The following SLC25A20 variants were observed in gnomAD, a reference collection of about 807,000 sequenced individuals.
SLC25A20 encodes the protein solute carrier family 25 member 20, also known as mitochondrial carnitine/acylcarnitine carrier protein.
In SLC25A20, 29 loss-of-function variants were observed where a neutral mutation model predicts 39.7. That is an observed-to-expected ratio of 0.73 (90% confidence interval 0.54 to 1.00). The LOEUF (loss-of-function observed/expected upper bound fraction) is 1.00, where lower values mean the gene tolerates loss of function less well. Among genes scored for constraint, SLC25A20 ranks in the 50% least tolerant of loss-of-function variants. The probability of loss-of-function intolerance (pLI) is 0.00; values close to 1 mark genes in which losing one functional copy is unlikely to be tolerated. For synonymous variants in SLC25A20, 103 were observed against 142.2 expected, an observed-to-expected ratio of 0.72 and a Z score of 1.96; for missense variants, 333 against 379.9, an observed-to-expected ratio of 0.88 and a Z score of 1.03.
chr3:48,896,546 T>C (rs1211327998), intron 1 of SLC25A20, among the ~76,000 whole-genome samples: 1 of 151,960 alleles, frequency 6.6e-6, no homozygotes, highest in Non-Finnish European at 1.5e-5. Flanking sequence ...AGTCTCACTC[T>C]GTCACCCAGG....
intron 5 of SLC25A20, 29 bp from the exon 6 acceptor site, chr3:48,859,656 A>C: frequency 6.5e-7 from 1 of 1,543,974 alleles, no homozygotes. Flanking sequence ...AGGTGAATTA[A>C]AGTACATAAA....
In SLC25A20 at chr3:48,857,715, A is replaced by G. The variant is rs755536849; in HGVS notation, c.901T>C (p.Leu301=). 1.2e-6 allele frequency: 2 copies of G among 1,613,904 alleles called. No individual in the cohort carries two copies. The highest frequency in any genetic ancestry group is 2.2e-5 in the East Asian group (1 of 44,862). The change falls in exon 9 of 9, where the codon TTG becomes CTG. Residue 301 remains leucine, a synonymous_variant. Coordinates refer to ENST00000319017, the MANE Select transcript of SLC25A20 (RefSeq NM_000387.6). ...MKFLNWATPN[L] ...AACTTGAGCAGCCTTCAGCCTCACAAGTTGGGGGTGGCCCAATTAAGGAAC... is the reference window on the plus strand; with the variant it reads ...AACTTGAGCAGCCTTCAGCCTCACAGGTTGGGGGTGGCCCAATTAAGGAAC...
intron 2 of SLC25A20, among the ~76,000 whole-genome samples, chr3:48,886,477 C>G (rs1575990497): frequency 6.6e-6 from 1 of 151,638 alleles, no homozygotes; most frequent in African/African-American, 2.4e-5. Flanking sequence ...GAGCCGAGAT[C>G]GCGCCATTGC....
At chr3:48,884,924 T>C (rs1426692726) in intron 2 of SLC25A20, among the ~76,000 whole-genome samples, 1 of 149,456 alleles carries the variant, frequency 6.7e-6, no homozygotes, top group Non-Finnish European at 1.5e-5. Flanking sequence ...CAAAACAGGA[T>C]ACACAACGTG....
At chr3:48,890,217 C>T (rs1265870396) in intron 2 of SLC25A20, among the ~76,000 whole-genome samples, 1 of 152,080 alleles carries the variant, frequency 6.6e-6, no homozygotes, top group East Asian at 1.9e-4. Flanking sequence ...TCTTTGATCT[C>T]GCTCTGTCAC....
chr3:48,874,935 G>A (rs2083743709), intron 4 of SLC25A20, among the ~76,000 whole-genome samples: 1 of 150,230 alleles, frequency 6.7e-6, no homozygotes, highest in South Asian at 2.1e-4. Flanking sequence ...AGGCTTGCGG[G>A]TGCATGCCTG....
At chr3:48,866,790 C>G (rs2083672926) in intron 4 of SLC25A20, among the ~76,000 whole-genome samples, 1 of 151,892 alleles carries the variant, frequency 6.6e-6, no homozygotes, top group Admixed American at 6.6e-5. Flanking sequence ...GCCACCACAC[C>G]TATTTTTTTT....
chr3:48,879,720 C>T (rs984297765), intron 3 of SLC25A20, among the ~76,000 whole-genome samples: 9 of 152,186 alleles, frequency 5.9e-5, no homozygotes, highest in Non-Finnish European at 1.0e-4. Context: ...AATCCCTCAC[C>T]TGTAAGAGAA....
rs544197476 is a variant in SLC25A20, at chr3:48,878,218, G to A, written c.417+1140C>T. The stretch of plus-strand genomic sequence containing the variant: ...AGAGGTTGCAGTGAGCCAAGATCAT[G>A]CCACTGTACTCCAGCCTGGCGACAG... On this transcript the variant is annotated intron_variant, in intron 4 of 8. Coordinates refer to ENST00000319017, the MANE Select transcript of SLC25A20 (RefSeq NM_000387.6). Among the ~76,000 whole-genome samples the A allele has an allele frequency of 4.4e-3, 622 of 141,954 alleles. 2 individuals carry two copies. The highest frequency in any genetic ancestry group is 7.1e-3 in the Non-Finnish European group (473 of 66,632). 93.1% of individuals were successfully genotyped at this position (141,954 alleles called of 152,430 possible).
At chr3:48,866,755 T>C (rs1185035911) in intron 4 of SLC25A20, among the ~76,000 whole-genome samples, 1 of 151,350 alleles carries the variant, frequency 6.6e-6, no homozygotes, top group Non-Finnish European at 1.5e-5. Context: ...CTCAGACTCC[T>C]GAATAGCTAG....
At chr3:48,873,127 G>T (rs2106646936) in intron 4 of SLC25A20, among the ~76,000 whole-genome samples, 1 of 151,888 alleles carries the variant, frequency 6.6e-6, no homozygotes, top group Admixed American at 6.6e-5. Context: ...GGGAGGCTGA[G>T]GCAGGAGAAT....
intron 4 of SLC25A20, among the ~76,000 whole-genome samples, chr3:48,869,970 T>C (rs1005735365): frequency 1.3e-5 from 2 of 151,896 alleles, no homozygotes; most frequent in African/African-American, 4.8e-5. Flanking sequence ...ACTAAAAAAT[T>C]AGCCAGGTGT....
At chr3:48,880,466 G>A (rs1436803913) in intron 3 of SLC25A20, among the ~76,000 whole-genome samples, 16 of 151,580 alleles carry the variant, frequency 1.1e-4, no homozygotes, top group African/African-American at 3.4e-4. Flanking sequence ...TAGTAGAGAC[G>A]GAGTTTCACT....
intron 2 of SLC25A20, among the ~76,000 whole-genome samples, chr3:48,888,752 G>A (rs977922274): frequency 6.6e-6 from 1 of 151,860 alleles, no homozygotes; most frequent in African/African-American, 2.4e-5. Flanking sequence ...ATTTAATCAA[G>A]GCTATAAATT....
chr3:48,864,442 C>T (rs1479629983), intron 4 of SLC25A20, among the ~76,000 whole-genome samples: 2 of 131,146 alleles, frequency 1.5e-5, no homozygotes, highest in Non-Finnish European at 3.2e-5. Context: ...CTGAGGATTA[C>T]AAAATAAGAG....
chr3:48,898,150 G>A (rs7431710), intron 1 of SLC25A20, among the ~76,000 whole-genome samples: 95,456 of 152,036 alleles, frequency 0.63, 31,143 homozygotes, highest in East Asian at 0.96. Flanking sequence ...GGATGCCTCT[G>A]CCCAGGAGGC....
intron 3 of SLC25A20, among the ~76,000 whole-genome samples, chr3:48,880,729 G>T (rs771427022): frequency 6.6e-6 from 1 of 151,240 alleles, no homozygotes; most frequent in Non-Finnish European, 1.5e-5. Context: ...CAGGCAAGCC[G>T]GGCTAATTTT....
intron 3 of SLC25A20, among the ~76,000 whole-genome samples, chr3:48,882,376 C>G (rs2083801200): frequency 6.6e-6 from 1 of 152,162 alleles, no homozygotes. Context: ...AAAAATGAAG[C>G]ACAACAAAAG....
chr3:48,891,137 G>A (rs555758214), intron 2 of SLC25A20, among the ~76,000 whole-genome samples: 3 of 151,276 alleles, frequency 2.0e-5, no homozygotes, highest in Admixed American at 2.0e-4. Flanking sequence ...GCCCCGTAGG[G>A]CTGGACCCTA....
Sources: allele counts gnomAD v4.1 joint callset (sites outside exome capture counted in the v4.1 genomes callset), GRCh38; gene constraint gnomAD v4.1.1; transcripts MANE v1.5; gene names NCBI Gene and HGNC (gene_info 2026-07-23, HGNC 2026-07-21).